Variants in CPA5 observed in about 807,000 individuals in gnomAD.
The protein encoded by CPA5 is testicular tissue protein Li 32.
A neutral mutation model predicts 52.2 loss-of-function variants in CPA5; 38 were observed. The ratio of observed to expected loss-of-function variants is 0.73; its 90% CI spans 0.56 to 0.95. CPA5 has a LOEUF of 0.95. Among genes scored for constraint, CPA5 ranks in the 40% least tolerant of loss-of-function variants. The pLI, the probability that CPA5 is intolerant of heterozygous loss-of-function variation, is 0.00. For synonymous variants in CPA5, 198 were observed against 213.7 expected, an observed-to-expected ratio of 0.93 and a Z score of 0.64; for missense variants, 519 against 566.7, an observed-to-expected ratio of 0.92 and a Z score of 0.86.
At chr7:130,347,659 G>A (rs773904692) in intron 3 of CPA5, 107 bp from the exon 4 acceptor site, 467 of 903,906 alleles carry the variant, frequency 5.2e-4, no homozygotes, top group Non-Finnish European at 7.5e-4. Context: ...TGGCCTCCCC[G>A]CCTGGCCCTC....
At position 130,366,940 on chromosome 7, in the gene CPA5, G is replaced by A. The variant is rs527798408; in HGVS notation, c.839-432G>A. ...CAGAACTGCAGGGTATGGTGCGGCT[G>A]CAGTCCTCTGACATATTAGATTAGA... is the stretch of plus-strand genomic sequence containing the variant. On this transcript the variant is annotated intron_variant, in intron 10 of 12. Transcript: ENST00000474905. Among the ~76,000 whole-genome samples, 5 of 152,324 alleles carry A rather than the reference G, an allele frequency of 3.3e-5. No homozygotes were observed. In the South Asian group the frequency reaches 1.0e-3, roughly 32 times the overall value.
At chr7:130,346,687 G>A (rs1794765919) in intron 3 of CPA5, 86 bp downstream of exon 3, 2 of 1,040,322 alleles carry the variant, frequency 1.9e-6, no homozygotes, top group Non-Finnish European at 3.0e-6. Flanking sequence ...CCCTGCTGGT[G>A]CCTGATCAAG....
intron 10 of CPA5, among the ~76,000 whole-genome samples, chr7:130,363,874 G>A (rs1795932664): frequency 6.6e-6 from 1 of 152,096 alleles, no homozygotes; most frequent in South Asian, 2.1e-4. Context: ...AGAGTTTATG[G>A]TGCTCCTAAA....
chr7:130,364,978 C>T (rs143533323), intron 10 of CPA5, among the ~76,000 whole-genome samples: 4 of 152,286 alleles, frequency 2.6e-5, no homozygotes, highest in South Asian at 2.1e-4. Context: ...TGCACTTCAC[C>T]GGGGGCTCAG....
In CPA5 at chr7:130,367,484, G is replaced by A; in HGVS notation, c.951G>A (p.Lys317=). The change falls in exon 11 of 13, where the codon AAG becomes AAA. Residue 317 remains lysine (K), a synonymous_variant. Coordinates refer to ENST00000474905, the MANE Select transcript of CPA5 (RefSeq NM_080385.5). ...VNFITAHGNF[K]ALISIHSYSQ... ...TCATCACAGCCCATGGCAACTTCAA[G>A]GCTCTGATCTCCATCCACAGCTACT... 1 of 1,614,114 alleles carries A rather than the reference G, an allele frequency of 6.2e-7. No homozygotes were observed. The highest frequency in any genetic ancestry group is 8.5e-7 in the Non-Finnish European group (1 of 1,180,034).
At chr7:130,364,863 T>C (rs1554407765) in intron 10 of CPA5, among the ~76,000 whole-genome samples, 2 of 152,204 alleles carry the variant, frequency 1.3e-5, no homozygotes, top group African/African-American at 4.8e-5. Context: ...GACAGGTCCA[T>C]GGACCCTGGA....
At chr7:130,361,553 C>T (rs540624122) in intron 7 of CPA5, among the ~76,000 whole-genome samples, 2 of 152,092 alleles carry the variant, frequency 1.3e-5, no homozygotes, top group African/African-American at 4.8e-5. Context: ...GGTGAGCTGG[C>T]GTTCTATTAC....
At chr7:130,350,188 G>A in intron 5 of CPA5, 79 bp downstream of exon 5, 1 of 1,478,826 alleles carries the variant, frequency 6.8e-7, no homozygotes, top group Non-Finnish European at 9.1e-7. Flanking sequence ...GATGTTCTCG[G>A]GGCTAAAAGT....
Position 130,368,699 on chromosome 7 carries a change from C to A in CPA5, c.*102C>A. 8.2e-7 allele frequency: 1 copy of A among 1,223,520 alleles called. No homozygotes were observed. The allele number at this position is 1,223,520 out of a possible 1,614,324, so 75.8% of individuals were successfully genotyped here. ...CCCATCCCCATGCCCTCATCCCGAC[C>A]TCTTAGAAAATAAATACAAGTTTGA... On this transcript the variant is annotated 3_prime_UTR_variant, in exon 13 of 13. Coordinates refer to ENST00000474905, the MANE Select transcript of CPA5 (RefSeq NM_080385.5).
Position 130,347,748 on chromosome 7 carries a change from C to A in CPA5, c.117-18C>A. On this transcript the variant is annotated intron_variant, in intron 3 of 12. Coordinates refer to ENST00000474905, the MANE Select transcript of CPA5 (RefSeq NM_080385.5). ...TCCTTCTCCGCAGCTTCCTCCGCCC[C>A]TCCCTGTGTTTTTCTAGGGACCAGG... 1 of 1,607,738 alleles carries A rather than the reference C, an allele frequency of 6.2e-7. No individual in the cohort carries two copies.
chr7:130,346,337 C>T, intron 2 of CPA5, 56 bp from the exon 3 acceptor site: 1 of 566,954 alleles, frequency 1.8e-6, no homozygotes, highest in Non-Finnish European at 3.1e-6. Flanking sequence ...CTCCCAAGGC[C>T]TGGCATGTGG....
downstream of CPA5, among the ~76,000 whole-genome samples, chr7:130,370,917 G>A (rs981054066): frequency 2.0e-5 from 3 of 152,340 alleles, no homozygotes; most frequent in East Asian, 5.8e-4. Flanking sequence ...TCTTCCGGGG[G>A]GAGTTGGGCC....
In CPA5 at chr7:130,361,169, A is replaced by G; in HGVS notation, c.459A>G (p.Val153=). ...TATATAGCTGGATTGACAACTTTGT[A>G]ATGGAGCATTCCGATATTGTCTCAA... is the stretch of plus-strand genomic sequence containing the variant. The part of the protein sequence containing the change: ...EEIYSWIDNF[V]MEHSDIVSKI... Residue 153 remains valine, a synonymous_variant, in exon 7 of 13, where the codon GTA becomes GTG. Coordinates refer to ENST00000474905, the MANE Select transcript of CPA5 (RefSeq NM_080385.5). The G allele has an allele frequency of 6.2e-7, 1 of 1,613,680 alleles. No homozygotes were observed. The highest frequency in any genetic ancestry group is 8.5e-7 in the Non-Finnish European group (1 of 1,179,550).
At chr7:130,367,598 G>A in intron 11 of CPA5, 27 bp downstream of exon 11, 1 of 1,591,394 alleles carries the variant, frequency 6.3e-7, no homozygotes, top group African/African-American at 1.3e-5. Flanking sequence ...AGGGCCTGGG[G>A]AGAAGAGACC....
chr7:130,346,310 G>A (rs1435280853), intron 2 of CPA5, 83 bp from the exon 3 acceptor site: 45 of 498,884 alleles, frequency 9.0e-5, no homozygotes, highest in Non-Finnish European at 8.8e-5. Flanking sequence ...CTGGGTTGGG[G>A]AGGGGCAGCC....
chr7:130,367,317 C>G, intron 10 of CPA5, 55 bp from the exon 11 acceptor site: 1 of 1,501,454 alleles, frequency 6.7e-7, no homozygotes, highest in Non-Finnish European at 9.2e-7. Flanking sequence ...TTGTGAGCAC[C>G]GTCTGTGTCG....
At chr7:130,346,728 G>A (rs1554402316) in intron 3 of CPA5, 127 bp downstream of exon 3, 3 of 701,298 alleles carry the variant, frequency 4.3e-6, no homozygotes, top group African/African-American at 1.8e-5. Flanking sequence ...TTCCTGTCCT[G>A]AACCCACTTC....
At chr7:130,371,284 A>G (rs1796292044), downstream of CPA5, among the ~76,000 whole-genome samples, 3 of 152,218 alleles carry the variant, frequency 2.0e-5, no homozygotes, top group African/African-American at 7.2e-5. Flanking sequence ...TCGCCTCCTC[A>G]CAGCTCTCAG....
downstream of CPA5, among the ~76,000 whole-genome samples, chr7:130,370,623 C>G (rs137897061): frequency 2.5e-3 from 388 of 152,252 alleles, 1 homozygote; most frequent in African/African-American, 8.7e-3. Flanking sequence ...CCATACAAGG[C>G]CACAATGGAG....
Sources: gnomAD v4.1 joint callset for allele counts (sites outside exome capture counted in the v4.1 genomes callset) on GRCh38, gnomAD v4.1.1 for gene constraint, MANE v1.5 for transcripts, NCBI Gene and HGNC (gene_info 2026-07-23, HGNC 2026-07-21) for gene names.